The following FARS2 variants were observed in gnomAD, a reference collection of about 807,000 sequenced individuals.
FARS2 encodes the protein phenylalanine--tRNA ligase, mitochondrial.
A neutral mutation model predicts 46.4 loss-of-function variants in FARS2; 40 were observed. The observed-to-expected ratio is 0.86, with a 90% CI of 0.67 to 1.12. FARS2 has a LOEUF of 1.12. FARS2 is among the 50% of genes most tolerant of loss of function. FARS2 has a pLI of 0.00. For missense variants in FARS2, 513 were observed against 567.9 expected, an observed-to-expected ratio of 0.90 and a Z score of 0.98; for synonymous variants, 234 against 214.9, an observed-to-expected ratio of 1.09 and a Z score of -0.78.
At chr6:5,385,433 T>G (rs1366916155) in intron 2 of FARS2, among the ~76,000 whole-genome samples, 1 of 151,802 alleles carries the variant, frequency 6.6e-6, no homozygotes, top group Admixed American at 6.5e-5. Context: ...TTTTCTTTTT[T>G]TTTTTTTGAG....
At chr6:5,689,796 G>T (rs1295192554) in intron 6 of FARS2, among the ~76,000 whole-genome samples, 1 of 152,114 alleles carries the variant, frequency 6.6e-6, no homozygotes, top group South Asian at 2.1e-4. Flanking sequence ...GTTGACCGTG[G>T]GGTGTTAAAG....
intron 1 of FARS2, among the ~76,000 whole-genome samples, chr6:5,285,411 A>T (rs1395955120): frequency 6.6e-6 from 1 of 152,062 alleles, no homozygotes. Context: ...TCTTGAGGAG[A>T]ATAGACATTT....
chr6:5,326,375 A>G (rs561319245), intron 1 of FARS2, among the ~76,000 whole-genome samples: 1 of 152,320 alleles, frequency 6.6e-6, no homozygotes, highest in African/African-American at 2.4e-5. Flanking sequence ...TTGGTGAGGA[A>G]CATCCACTTT....
At chr6:5,438,051 AT>A (rs548611751) in intron 4 of FARS2, among the ~76,000 whole-genome samples, 28 of 151,578 alleles carry the variant, frequency 1.8e-4, no homozygotes, top group Non-Finnish European at 3.7e-4. Flanking sequence ...ATGGATTTTT[AT>A]TTTTTTTCTC....
intron 4 of FARS2, among the ~76,000 whole-genome samples, chr6:5,513,880 A>C (rs1768609573): frequency 6.6e-6 from 1 of 152,058 alleles, no homozygotes; most frequent in Admixed American, 6.5e-5. Context: ...AGATCACAAG[A>C]GTTCAAGAAA....
chr6:5,270,173 T>C (rs1274657759), intron 1 of FARS2, among the ~76,000 whole-genome samples: 1 of 152,156 alleles, frequency 6.6e-6, no homozygotes, highest in Non-Finnish European at 1.5e-5. Flanking sequence ...AGTCATGAAA[T>C]AGAAAAAGCT....
intron 6 of FARS2, among the ~76,000 whole-genome samples, chr6:5,681,658 C>T (rs1779039871): frequency 6.6e-6 from 1 of 152,226 alleles, no homozygotes; most frequent in Admixed American, 6.5e-5. Context: ...CTTTCTTCCC[C>T]TCTGACTTTG....
intron 5 of FARS2, among the ~76,000 whole-genome samples, chr6:5,572,681 C>T (rs1453729481): frequency 1.3e-5 from 2 of 152,008 alleles, no homozygotes; most frequent in African/African-American, 4.8e-5. Flanking sequence ...CATGAAATCC[C>T]CCATCTTTTC....
At chr6:5,632,838 T>C (rs1776361756) in intron 6 of FARS2, among the ~76,000 whole-genome samples, 1 of 152,180 alleles carries the variant, frequency 6.6e-6, no homozygotes, top group African/African-American at 2.4e-5. Context: ...GTTCTCTCTT[T>C]TTTGTTCAGC....
intron 4 of FARS2, among the ~76,000 whole-genome samples, chr6:5,487,943 C>T (rs2150355155): frequency 6.6e-6 from 1 of 152,234 alleles, no homozygotes; most frequent in Middle Eastern, 3.4e-3. Flanking sequence ...CCATATTATC[C>T]TGTGTTGTAG....
intron 3 of FARS2, among the ~76,000 whole-genome samples, chr6:5,428,422 A>G (rs543514892): frequency 2.6e-5 from 4 of 152,250 alleles, no homozygotes; most frequent in African/African-American, 4.8e-5. Flanking sequence ...ATTTAATTAT[A>G]TGAAATCATG....
At chr6:5,472,360 G>A (rs1246168280) in intron 4 of FARS2, among the ~76,000 whole-genome samples, 1 of 152,198 alleles carries the variant, frequency 6.6e-6, no homozygotes, top group Non-Finnish European at 1.5e-5. Context: ...ATCCATGTAT[G>A]TGACAATTAA....
At chr6:5,327,136 T>C (rs1013969731) in intron 1 of FARS2, among the ~76,000 whole-genome samples, 5 of 152,158 alleles carry the variant, frequency 3.3e-5, no homozygotes, top group African/African-American at 9.7e-5. Flanking sequence ...CTTCATAACT[T>C]TTGGCTGAAT....
At chr6:5,546,035 G>A (rs1432924725) in intron 5 of FARS2, among the ~76,000 whole-genome samples, 1 of 152,000 alleles carries the variant, frequency 6.6e-6, no homozygotes, top group Admixed American at 6.5e-5. Flanking sequence ...GACTGAGGCA[G>A]GAGAATCACT....
chr6:5,543,303 A>G (rs549331604), intron 4 of FARS2, among the ~76,000 whole-genome samples: 1 of 151,960 alleles, frequency 6.6e-6, no homozygotes, highest in African/African-American at 2.4e-5. Context: ...CTGAAGCTCC[A>G]TGAATGTTCT....
intron 6 of FARS2, among the ~76,000 whole-genome samples, chr6:5,679,274 A>G (rs868405114): frequency 9.2e-5 from 14 of 152,194 alleles, no homozygotes; most frequent in African/African-American, 2.4e-5. Flanking sequence ...TGCACAAGAC[A>G]TTAAAACTTG....
At chr6:5,724,392 C>T (rs764209440) in intron 6 of FARS2, among the ~76,000 whole-genome samples, 2 of 152,196 alleles carry the variant, frequency 1.3e-5, no homozygotes, top group Non-Finnish European at 2.9e-5. Flanking sequence ...GTGGTCATCA[C>T]GAAATATCCA....
intron 2 of FARS2, among the ~76,000 whole-genome samples, chr6:5,382,503 G>A (rs1037290154): frequency 6.6e-6 from 1 of 152,136 alleles, no homozygotes; most frequent in Admixed American, 6.5e-5. Context: ...CTAGTTGTTA[G>A]ATATTGATTC....
chr6:5,613,727 T>C (rs1052360740), intron 6 of FARS2, among the ~76,000 whole-genome samples: 3 of 152,220 alleles, frequency 2.0e-5, no homozygotes, highest in Non-Finnish European at 2.9e-5. Context: ...AGATCTATAT[T>C]ACGTCCTAGG....
Sources: gnomAD v4.1 joint callset for allele counts (sites outside exome capture counted in the v4.1 genomes callset) on GRCh38, gnomAD v4.1.1 for gene constraint, MANE v1.5 for transcripts, NCBI Gene and HGNC (gene_info 2026-07-23, HGNC 2026-07-21) for gene names.